LRFN2: variants seen among roughly 807,000 people sequenced by gnomAD.
The protein encoded by LRFN2 is leucine-rich repeat and fibronectin type-III domain-containing protein 2.
Under a neutral mutation model 37.3 loss-of-function variants are expected in LRFN2, and 18 were observed. The observed-to-expected ratio is 0.48, with a 90% CI of 0.33 to 0.72. The LOEUF is 0.72. Among genes scored for constraint, LRFN2 ranks in the 30% least tolerant of loss-of-function variants. The pLI is 0.02. For synonymous variants in LRFN2, 556 were observed against 466.6 expected, an observed-to-expected ratio of 1.19 and a Z score of -2.47; for missense variants, 1,006 against 1,060.7, an observed-to-expected ratio of 0.95 and a Z score of 0.72.
At chr6:40,537,953 T>C (rs1253532288) in intron 1 of LRFN2, among the ~76,000 whole-genome samples, 5 of 152,078 alleles carry the variant, frequency 3.3e-5, no homozygotes, top group African/African-American at 9.7e-5. Context: ...GCATGGCCCA[T>C]GCAGCCCCTC....
intron 1 of LRFN2, among the ~76,000 whole-genome samples, chr6:40,433,349 T>G (rs1398276170): frequency 2.0e-5 from 3 of 152,274 alleles, no homozygotes; most frequent in Non-Finnish European, 4.4e-5. Flanking sequence ...TTTAGTTTAC[T>G]TATTTATGAT....
At chr6:40,528,739 G>T (rs1766299325) in intron 1 of LRFN2, among the ~76,000 whole-genome samples, 1 of 152,104 alleles carries the variant, frequency 6.6e-6, no homozygotes, top group African/African-American at 2.4e-5. Context: ...TCATTGTAAA[G>T]TCAGAAATCC....
At chr6:40,428,106 T>C (rs1763395342) in intron 2 of LRFN2, among the ~76,000 whole-genome samples, 1 of 152,238 alleles carries the variant, frequency 6.6e-6, no homozygotes, top group Non-Finnish European at 1.5e-5. Flanking sequence ...GAGAACTAAA[T>C]GAGTTAGTGC....
At chr6:40,443,285 A>G (rs1763887073) in intron 1 of LRFN2, among the ~76,000 whole-genome samples, 1 of 152,194 alleles carries the variant, frequency 6.6e-6, no homozygotes, top group South Asian at 2.1e-4. Context: ...ACTGTTTTTG[A>G]GCCCCCACAG....
intron 1 of LRFN2, among the ~76,000 whole-genome samples, chr6:40,436,060 G>A (rs530252314): frequency 1.3e-5 from 2 of 151,994 alleles, no homozygotes; most frequent in Non-Finnish European, 2.9e-5. Context: ...AAAGAAACAG[G>A]TGAAATTAAT....
At chr6:40,554,410 G>C (rs1368645117) in intron 1 of LRFN2, among the ~76,000 whole-genome samples, 1 of 152,086 alleles carries the variant, frequency 6.6e-6, no homozygotes, top group Non-Finnish European at 1.5e-5. Context: ...TGGAGGGAAG[G>C]GTGGATGGGT....
At chr6:40,449,361 C>T (rs549698625) in intron 1 of LRFN2, among the ~76,000 whole-genome samples, 1 of 152,286 alleles carries the variant, frequency 6.6e-6, no homozygotes, top group East Asian at 1.9e-4. Flanking sequence ...GGCCAAAAGG[C>T]CACCCCCAAA....
intron 2 of LRFN2, among the ~76,000 whole-genome samples, chr6:40,414,140 C>T (rs960775176): frequency 2.6e-5 from 4 of 152,300 alleles, no homozygotes; most frequent in South Asian, 2.1e-4. Context: ...TGGGAGGCCT[C>T]GGGCAGCTTA....
intron 1 of LRFN2, among the ~76,000 whole-genome samples, chr6:40,566,075 G>C (rs1268739651): frequency 6.6e-6 from 1 of 152,114 alleles, no homozygotes; most frequent in Non-Finnish European, 1.5e-5. Context: ...GTGGATGAAG[G>C]ATATGAACAG....
In LRFN2 at chr6:40,392,200, G is replaced by A. The variant is rs1421673328; in HGVS notation, c.2113C>T (p.Arg705Trp). The change falls in exon 3 of 3, where the codon CGG becomes TGG. Residue 705 changes from arginine to tryptophan, a missense_variant. Physicochemically the swap from Arg to Trp is moderately radical, Grantham distance 101. Transcript: ENST00000338305. This position sits in a 1 kb window ranked among gnomAD's most constrained non-coding sequence, Gnocchi z 4.7. ...REPLLGPPAA[R>W]ARSLLPLPLE... Reference sequence around the variant, plus strand: ...GGCAAGGGGAGCAGGCTCCTGGCCCGGGCCGCAGGGGGCCCCAGCAGTGGC... The same window carrying A: ...GGCAAGGGGAGCAGGCTCCTGGCCCAGGCCGCAGGGGGCCCCAGCAGTGGC... 4 of 1,570,196 alleles carry A rather than the reference G, an allele frequency of 2.5e-6. No homozygotes were observed. The highest frequency in any genetic ancestry group is 3.5e-6 in the Non-Finnish European group (4 of 1,158,722).
chr6:40,582,964 G>A (rs1166643262), intron 1 of LRFN2, among the ~76,000 whole-genome samples: 2 of 152,122 alleles, frequency 1.3e-5, no homozygotes, highest in Admixed American at 6.5e-5. Context: ...CACACTTGGG[G>A]TAGCAAGTTG....
chr6:40,531,123 G>T (rs1766333857), intron 1 of LRFN2, among the ~76,000 whole-genome samples: 1 of 152,122 alleles, frequency 6.6e-6, no homozygotes, highest in Non-Finnish European at 1.5e-5. Context: ...GCTCCTTCTG[G>T]TTGCTCCCCG....
intron 1 of LRFN2, among the ~76,000 whole-genome samples, chr6:40,528,362 C>T (rs1042857795): frequency 3.3e-5 from 5 of 152,174 alleles, no homozygotes; most frequent in South Asian, 2.1e-4. Context: ...TCAACAGAGT[C>T]GCTCAATGAG....
At chr6:40,578,635 GT>G (rs1373184294) in intron 1 of LRFN2, among the ~76,000 whole-genome samples, 4 of 152,090 alleles carry the variant, frequency 2.6e-5, no homozygotes, top group Admixed American at 2.6e-4. Context: ...CCTAAGTATG[GT>G]CCTCTCCATG....
chr6:40,439,731 A>AAT (rs1159412746), intron 1 of LRFN2, among the ~76,000 whole-genome samples: 1 of 152,190 alleles, frequency 6.6e-6, no homozygotes, highest in Non-Finnish European at 1.5e-5. Context: ...GCCACCATGT[A>AAT]TAGAGATTCT....
chr6:40,585,572 C>T (rs577405616), intron 1 of LRFN2, among the ~76,000 whole-genome samples: 1 of 152,162 alleles, frequency 6.6e-6, no homozygotes, highest in Non-Finnish European at 1.5e-5. Flanking sequence ...GCGACCAGAC[C>T]AGGGCACAAC....
rs1353810986 is a variant in LRFN2, at chr6:40,435,925, C to A, written c.-18-2794G>T. Among the ~76,000 whole-genome samples the A allele has an allele frequency of 2.0e-5, 3 of 152,020 alleles. No homozygotes were observed. The East Asian group carries it at 5.8e-4, about 29-fold the overall frequency. ...TAAGGGTAAATCTCCTACCTGAGAC[C>A]CTTCAAGGGCCAGAGGCTTGCCCTG... On this transcript the variant is annotated intron_variant, in intron 1 of 2. Transcript: ENST00000338305.
intron 1 of LRFN2, among the ~76,000 whole-genome samples, chr6:40,535,946 AGCGATGCAGAAG>A (rs1766440367): frequency 6.6e-6 from 1 of 152,174 alleles, no homozygotes; most frequent in Admixed American, 6.5e-5. Context: ...CAGCTGGCTC[AGCGATGCAGAAG>A]CCAATGGGTC....
chr6:40,392,410 G>A lies in LRFN2; in HGVS notation c.1903C>T (p.Leu635=), dbSNP rs1561835845. ...SSLGSGEAAG[L]GRAPWRIPPS... ...GGGATCCTCCAGGGGGCCCGTCCCA[G>A]CCCCGCAGCCTCCCCACTGCCCAGG... Residue 635 remains leucine (L), a synonymous_variant, in exon 3 of 3, where the codon CTG becomes TTG. Transcript: ENST00000338305. The surrounding 1 kb of genome is among the most constrained non-coding windows in gnomAD (Gnocchi z 4.7). The A allele has an allele frequency of 6.4e-7, 1 of 1,569,686 alleles. No homozygotes were observed.
Sources: gnomAD v4.1 joint callset for allele counts (sites outside exome capture counted in the v4.1 genomes callset) on GRCh38, gnomAD v4.1.1 for gene constraint, Gnocchi (gnomAD v3.1) non-coding constraint, MANE v1.5 for transcripts, NCBI Gene and HGNC (gene_info 2026-07-23, HGNC 2026-07-21) for gene names.